The following PPP1R12C variants were observed in gnomAD, a reference collection of about 807,000 sequenced individuals.
The protein encoded by PPP1R12C is protein phosphatase 1 regulatory subunit 12C, also known as leukocyte receptor cluster (LRC) encoded novel gene 3.
In PPP1R12C, 48 loss-of-function variants were observed where a neutral mutation model predicts 95.6. The ratio of observed to expected loss-of-function variants is 0.50; its 90% CI spans 0.40 to 0.64. The LOEUF (loss-of-function observed/expected upper bound fraction) is 0.64. PPP1R12C is among the 30% of genes least tolerant of loss of function. PPP1R12C has a pLI of 0.00. For missense variants in PPP1R12C, 1,057 were observed against 1,083.3 expected (o/e 0.98, Z 0.34); for synonymous variants, 480 against 460.8 (o/e 1.04, Z -0.53).
In PPP1R12C at chr19:55,093,072, G is replaced by T. The variant is rs1365246336; in HGVS notation, c.1769C>A (p.Pro590His). ...ESEKPAQSLD[P>H]SRRPRVPGVE... ...TCCAGGGACGCGGGGCCTTCGGGAAGGGTCCTGTCGGGAGGGGGAGGCGAG... is the reference window on the plus strand; with the variant it reads ...TCCAGGGACGCGGGGCCTTCGGGAATGGTCCTGTCGGGAGGGGGAGGCGAG... The change falls in exon 15 of 22, where the codon CCT becomes CAT. Residue 590 changes from proline to histidine, a missense_variant. By Grantham distance (77) the Pro-to-His change is moderately conservative. This residue lies in a region of PPP1R12C where 347 missense variants were observed against 307.9 expected (regional missense o/e 1.13). Coordinates refer to ENST00000263433, the MANE Select transcript of PPP1R12C (RefSeq NM_017607.4). The T allele has an allele frequency of 3.1e-6, 5 of 1,605,598 alleles. No homozygotes were observed. In the South Asian group the frequency reaches 3.3e-5, roughly 11 times the overall value.
In PPP1R12C at chr19:55,113,475, G is replaced by A; in HGVS notation, c.322-680C>T. On this transcript the variant is annotated intron_variant, in intron 1 of 21. Transcript: ENST00000263433. ...GGCCCTGCAGCCAGGGGCTGACACG[G>A]GCCACCGTTTCTCATTCTTCCCTTA... The A allele has an allele frequency of 2.0e-6, 3 of 1,473,350 alleles. No homozygotes were observed. In the South Asian group the frequency reaches 3.9e-5, roughly 19 times the overall value. The allele number at this position is 1,473,350 out of a possible 1,614,324, so 91.3% of individuals were successfully genotyped here.
intron 3 of PPP1R12C, among the ~76,000 whole-genome samples, chr19:55,111,154 G>A (rs1172906735): frequency 2.1e-5 from 3 of 139,792 alleles, no homozygotes; most frequent in Non-Finnish European, 4.7e-5. Flanking sequence ...GGGGGGAGGG[G>A]GGGGTGCATG....
At position 55,099,007 on chromosome 19, in the gene PPP1R12C, C is replaced by A; in HGVS notation, c.820G>T (p.Asp274Tyr). The A allele has an allele frequency of 6.4e-7, 1 of 1,556,730 alleles. No homozygotes were observed. The highest frequency in any genetic ancestry group is 2.4e-5 in the East Asian group (1 of 41,566). The part of the protein sequence containing the change: ...LHAAAHWGVE[D>Y]ACRLLAEHGG... ...TGCTCGGCCAGCAGGCGGCAGGCAT[C>A]CTCCACGCCCCAGTGTGCCGCTGCG... is the stretch of plus-strand genomic sequence containing the variant. The change falls in exon 5 of 22, where the codon GAT becomes TAT. Residue 274 changes from aspartate (D) to tyrosine (Y), a missense_variant. Asp to Tyr is a radical substitution (Grantham distance 160). This residue lies in a region of PPP1R12C where 282 missense variants were observed against 380.4 expected (regional missense o/e 0.74). Coordinates refer to ENST00000263433, the MANE Select transcript of PPP1R12C (RefSeq NM_017607.4).
Position 55,112,744 on chromosome 19 carries a change from C to T in PPP1R12C, c.373G>A (p.Ala125Thr), listed in dbSNP as rs780603817. Residue 125 changes from alanine (A) to threonine (T), a missense_variant, in exon 2 of 22, where the codon GCC becomes ACC. Physicochemically the swap from Ala to Thr is moderately conservative, Grantham distance 58. Transcript: ENST00000263433. ...EVVRFLVEQG[A>T]TVNQADNEGW... ...TCGTTGTCTGCCTGGTTCACAGTGG[C>T]GCCCTGCTCCACCAAGAAGCGCACC... is the stretch of plus-strand genomic sequence containing the variant. 5 of 1,613,732 alleles carry T rather than the reference C, an allele frequency of 3.1e-6. No homozygotes were observed. The highest frequency in any genetic ancestry group is 2.2e-5 in the East Asian group (1 of 44,872).
chr19:55,112,312 C>A, intron 3 of PPP1R12C, 155 bp downstream of exon 3: 1 of 670,962 alleles, frequency 1.5e-6, no homozygotes, highest in Non-Finnish European at 2.5e-6. Flanking sequence ...GGCCCCTACA[C>A]CCCCATTTCA....
intron 9 of PPP1R12C, 86 bp downstream of exon 9, chr19:55,095,781 T>C (rs2147183533): frequency 1.3e-6 from 2 of 1,547,012 alleles, no homozygotes; most frequent in Admixed American, 1.7e-5. Flanking sequence ...TCCCCCTATC[T>C]GCCCCTGCCA....
chr19:55,116,828 G>C (rs1001109406), intron 1 of PPP1R12C, among the ~76,000 whole-genome samples: 1 of 152,188 alleles, frequency 6.6e-6, no homozygotes. Context: ...GTCCAGGACC[G>C]GCTGGAGGGG....
intron 3 of PPP1R12C, among the ~76,000 whole-genome samples, chr19:55,103,938 T>C (rs945014278): frequency 6.8e-5 from 10 of 146,002 alleles, no homozygotes; most frequent in Non-Finnish European, 1.2e-4. Flanking sequence ...GATCACGAGC[T>C]CAGGACTTCA....
At position 55,092,337 on chromosome 19, in the gene PPP1R12C, G is replaced by T; in HGVS notation, c.2056-11C>A. The T allele has an allele frequency of 6.3e-7, 1 of 1,584,986 alleles. No homozygotes were observed. The highest frequency in any genetic ancestry group is 8.6e-7 in the Non-Finnish European group (1 of 1,165,324). ...CAGCTCTGCATACAGCTGGGGGTCA[G>T]GTAGAGGAGGGTCAGGTGGAGGATG... On this transcript the variant is annotated splice_polypyrimidine_tract_variant and intron_variant, in intron 18 of 21. Transcript: ENST00000263433.
chr19:55,099,143 GC>G (rs1227336059), intron 4 of PPP1R12C, 48 bp from the exon 5 acceptor site: 2 of 1,459,994 alleles, frequency 1.4e-6, no homozygotes, highest in Non-Finnish European at 9.1e-7. Flanking sequence ...GGGGCCCTTG[GC>G]CGAGGGCTGA....
At chr19:55,099,571 G>A (rs545930412) in intron 4 of PPP1R12C, among the ~76,000 whole-genome samples, 30 of 152,260 alleles carry the variant, frequency 2.0e-4, no homozygotes, top group African/African-American at 7.2e-4. Context: ...GGGGAGACCC[G>A]GCAGGTCTGC....
rs931012329 is a variant in PPP1R12C, at chr19:55,109,095, G to A, written c.571+3372C>T. ...CTATTGTGAACGATGCTATGAACAC[G>A]GGTATATAAATTGCCTTTTTTGTTT... On this transcript the variant is annotated intron_variant, in intron 3 of 21. Transcript: ENST00000263433. This position sits in a 1 kb window ranked among gnomAD's most constrained non-coding sequence, Gnocchi z 4.4. Among the ~76,000 whole-genome samples, 4 of 152,112 alleles carry A rather than the reference G, an allele frequency of 2.6e-5. No individual in the cohort carries two copies. The highest frequency in any genetic ancestry group is 1.5e-5 in the Non-Finnish European group (1 of 68,028).
rs907964388 is a variant in PPP1R12C at position 55,112,359 on chromosome 19, T to C, written c.571+108A>G. 25 of 954,332 alleles carry C rather than the reference T, an allele frequency of 2.6e-5. No homozygotes were observed. The African/African-American group carries it at 3.6e-4, about 14-fold the overall frequency. The allele number at this position is 954,332 out of a possible 1,614,324, so 59.1% of individuals were successfully genotyped here. A position where few individuals can be genotyped will look rare whatever the true frequency, so the allele number is the denominator to read the frequency against. On this transcript the variant is annotated intron_variant, in intron 3 of 21. Coordinates refer to ENST00000263433, the MANE Select transcript of PPP1R12C (RefSeq NM_017607.4). ...ACTGAGGCACAAAGAAAGACAATCC[T>C]AGGAAGCAGGGTCAGCCTCGGTGCC...
chr19:55,112,379 G>A (rs541068471), intron 3 of PPP1R12C, 88 bp downstream of exon 3: 27 of 1,198,378 alleles, frequency 2.3e-5, no homozygotes, highest in African/African-American at 3.0e-5. Flanking sequence ...GGTCAGCCTC[G>A]GTGCCCAGGC....
At position 55,117,486 on chromosome 19, in the gene PPP1R12C, C is replaced by T; in HGVS notation, c.58G>A (p.Glu20Lys). The change falls in exon 1 of 22, where the codon GAG (glutamate) becomes AAG (lysine). Residue 20 changes from glutamate to lysine, a missense_variant. Glu to Lys is a moderately conservative substitution (Grantham distance 56, BLOSUM62 1). This residue lies in a region of PPP1R12C where 70 missense variants were observed against 47.8 expected (regional missense o/e 1.46). Transcript: ENST00000263433. ...GPGAAAAAAR[E>K]RRREQLRQWG... ...TGCCGCAGCTGCTCCCGTCGCCGCT[C>T]CCGGGCAGCCGCCGCCGCCGCCCCC... 3 of 1,025,268 alleles carry T rather than the reference C, an allele frequency of 2.9e-6. No individual in the cohort carries two copies. The highest frequency in any genetic ancestry group is 1.7e-5 in the African/African-American group (1 of 57,434). The allele number at this position is 1,025,268 out of a possible 1,614,324, so 63.5% of individuals were successfully genotyped here. A position where few individuals can be genotyped will look rare whatever the true frequency, so the allele number is the denominator to read the frequency against.
intron 4 of PPP1R12C, among the ~76,000 whole-genome samples, chr19:55,102,232 G>A (rs2084987160): frequency 6.6e-6 from 1 of 152,186 alleles, no homozygotes; most frequent in African/African-American, 2.4e-5. Flanking sequence ...TATGCACCTT[G>A]GTTGGGTGCA....
At position 55,097,510 on chromosome 19, in the gene PPP1R12C, A is replaced by T. The variant is rs10526822; in HGVS notation, c.952-1175T>A. On this transcript the variant is annotated intron_variant, in intron 6 of 21. Transcript: ENST00000263433. ...GCAGTTCACCACCGTCTTCACCCCT[A>T]CCCCGCACAGTTCGCAGTTCACCAC... Among the ~76,000 whole-genome samples the T allele has an allele frequency of 2.5e-3, 144 of 58,028 alleles. 16 individuals carry two copies. The highest frequency in any genetic ancestry group is 0.013 in the African/African-American group (131 of 10,448). 38.1% of individuals were successfully genotyped at this position (58,028 alleles called of 152,430 possible).
At position 55,112,598 on chromosome 19, in the gene PPP1R12C, G is replaced by A. The variant is rs760244846; in HGVS notation, c.453-13C>T. 1.1e-5 allele frequency: 17 copies of A among 1,612,324 alleles called. No homozygotes were observed. Among genetic ancestry groups the A allele is most frequent in the Non-Finnish European group, 1.3e-5 (15 of 1,179,214 alleles). On this transcript the variant is annotated splice_polypyrimidine_tract_variant and intron_variant, in intron 2 of 21. Transcript: ENST00000263433. Reference sequence around the variant, plus strand: ...GCTCAGGAGGTACCTGGGGGTGGGGGCTGGTCAGGGCTGAGGGTCCAGGCC... The same window carrying A: ...GCTCAGGAGGTACCTGGGGGTGGGGACTGGTCAGGGCTGAGGGTCCAGGCC...
intron 11 of PPP1R12C, 97 bp from the exon 12 acceptor site, chr19:55,094,895 C>T: frequency 7.3e-7 from 1 of 1,362,258 alleles, no homozygotes; most frequent in Non-Finnish European, 1.0e-6. Flanking sequence ...TTATCTGGGC[C>T]ACAACAGAGT....
Sources: gnomAD v4.1 joint callset for allele counts (sites outside exome capture counted in the v4.1 genomes callset) on GRCh38, gnomAD v4.1.1 for gene constraint, gnomAD v4.1.1 regional missense constraint, Gnocchi (gnomAD v3.1) non-coding constraint, MANE v1.5 for transcripts, NCBI Gene and HGNC (gene_info 2026-07-23, HGNC 2026-07-21) for gene names.